CHD9: variants seen among roughly 807,000 people sequenced by gnomAD.
The protein encoded by CHD9 is chromodomain helicase DNA binding protein 9.
CHD9 carries 77 observed loss-of-function variants against 316.1 expected under a neutral mutation model. The observed-to-expected ratio is 0.24, with a 90% confidence interval of 0.20 to 0.29. The LOEUF (loss-of-function observed/expected upper bound fraction) is 0.29, where lower values mean the gene tolerates loss of function less well. CHD9 is among the 10% of genes least tolerant of loss of function. CHD9 has a pLI of 1.00. For missense variants in CHD9, 2,763 were observed against 3,438.1 expected, an observed-to-expected ratio of 0.80 and a Z score of 4.91; for synonymous variants, 1,129 against 1,158.3, an observed-to-expected ratio of 0.97 and a Z score of 0.51.
At position 53,303,786 on chromosome 16, in the gene CHD9, G is replaced by T. The variant is rs1462193939; in HGVS notation, c.5780G>T (p.Arg1927Leu). ...GAACGTGCTTCTAGGACTTTGTATC[G>T]CATTGAACTTCTAAGGAAAGTACGG... ...TEERASRTLY[R>L]IELLRKVREQ... The change falls in exon 31 of 39, where the codon CGC becomes CTC. Residue 1927 changes from arginine (R) to leucine (L), a missense_variant. This residue lies in a region of CHD9 where 663 missense variants were observed against 751.2 expected (regional missense o/e 0.88). Coordinates refer to ENST00000447540, the MANE Select transcript of CHD9 (RefSeq NM_001308319.2). The T allele has an allele frequency of 1.9e-6, 3 of 1,613,830 alleles. No individual in the cohort carries two copies. Among genetic ancestry groups the T allele is most frequent in the South Asian group, 1.1e-5 (1 of 91,078 alleles).
intron 1 of CHD9, among the ~76,000 whole-genome samples, chr16:53,098,571 C>T (rs1300355800): frequency 6.6e-6 from 1 of 152,044 alleles, no homozygotes; most frequent in Non-Finnish European, 1.5e-5. Flanking sequence ...CCTGGAGACC[C>T]GAAACAATGT....
chr16:53,075,039 G>A (rs959619013), intron 1 of CHD9, among the ~76,000 whole-genome samples: 2 of 152,230 alleles, frequency 1.3e-5, no homozygotes, highest in Admixed American at 6.5e-5. Flanking sequence ...GAGGGGCAGA[G>A]CTGCCCAAGG....
At chr16:53,063,358 T>TCACA (rs67988137) in intron 1 of CHD9, among the ~76,000 whole-genome samples, 12,757 of 136,910 alleles carry the variant, frequency 0.093, 581 homozygotes, top group East Asian at 0.11. Context: ...CTCATAAATT[T>TCACA]CACACACACA....
rs1477710341 is a variant in CHD9 at position 53,255,711 on chromosome 16, C to G, written c.4141C>G (p.Gln1381Glu). The change falls in exon 19 of 39, where the codon CAG becomes GAG. Residue 1381 changes from glutamine to glutamate, a missense_variant. Around this residue, in one of 15 missense-constraint regions of CHD9, gnomAD observed 199 missense variants for 251.7 expected, o/e 0.79. Coordinates refer to ENST00000447540, the MANE Select transcript of CHD9 (RefSeq NM_001308319.2). ...TAAATTCTGCGAAGAGGATATCGAT[C>G]AGATTTTACTACGTCGTACAAAAAC... ...GSKFCEEDID[Q>E]ILLRRTKTIT... 1 of 1,613,866 alleles carries G rather than the reference C, an allele frequency of 6.2e-7. No homozygotes were observed. The highest frequency in any genetic ancestry group is 1.1e-5 in the South Asian group (1 of 91,076).
intron 24 of CHD9, among the ~76,000 whole-genome samples, chr16:53,275,025 ATTTG>A (rs894048065): frequency 3.3e-5 from 5 of 151,784 alleles, no homozygotes; most frequent in African/African-American, 9.7e-5. Flanking sequence ...TTTTTTATTT[ATTTG>A]TTTGTTTATT....
intron 29 of CHD9, among the ~76,000 whole-genome samples, chr16:53,296,459 G>A (rs375676224): frequency 6.5e-5 from 1 of 15,440 alleles, no homozygotes; most frequent in African/African-American, 3.0e-4. Context: ...TTTTTTTTTT[G>A]AGACAGAGTC....
At position 53,308,744 on chromosome 16, in the gene CHD9, A is replaced by G. The variant is rs2056209735; in HGVS notation, c.7112A>G (p.Asp2371Gly). Residue 2371 changes from aspartate to glycine, a missense_variant, in exon 34 of 39, where the codon GAT becomes GGT. Around this residue, in one of 15 missense-constraint regions of CHD9, gnomAD observed 663 missense variants for 751.2 expected, o/e 0.88. Transcript: ENST00000447540. ...GGGCTTGCTCAGAAAAGACCATTTG[A>G]TGGTGAAGACGGTGCTCTGGGGCAG... ...KQGLAQKRPF[D>G]GEDGALGQQQ... is the part of the protein sequence containing the mutation. The G allele has an allele frequency of 1.2e-6, 2 of 1,613,474 alleles. No individual in the cohort carries two copies. Among genetic ancestry groups the G allele is most frequent in the Non-Finnish European group, 8.5e-7 (1 of 1,179,604 alleles).
At chr16:53,121,174 T>G (rs2038715277) in intron 1 of CHD9, 1 of 339,410 alleles carries the variant, frequency 2.9e-6, no homozygotes, top group Non-Finnish European at 5.8e-6. Flanking sequence ...TTGTTCATTG[T>G]TGTATTCCCA....
chr16:53,308,108 T>C (rs535199994), intron 33 of CHD9, among the ~76,000 whole-genome samples, 155 bp downstream of exon 33: 1 of 152,382 alleles, frequency 6.6e-6, no homozygotes, highest in Non-Finnish European at 1.5e-5. Flanking sequence ...GTTATTAAAC[T>C]TGAATATTCT....
intron 38 of CHD9, among the ~76,000 whole-genome samples, chr16:53,323,293 A>C (rs1022735109): frequency 5.3e-5 from 8 of 152,222 alleles, no homozygotes; most frequent in African/African-American, 1.7e-4. Flanking sequence ...TGTTTTACCT[A>C]TTTTAAATGT....
chr16:53,084,817 G>A (rs2035326689), intron 1 of CHD9, among the ~76,000 whole-genome samples: 1 of 152,118 alleles, frequency 6.6e-6, no homozygotes, highest in African/African-American at 2.4e-5. Flanking sequence ...AACATCAGGC[G>A]GTCTTACCCT....
chr16:53,250,366 A>G (rs373749673), intron 17 of CHD9: 10 of 260,110 alleles, frequency 3.8e-5, no homozygotes, highest in East Asian at 1.2e-4. Context: ...AGGTCTCACT[A>G]TGTTGCCCAG....
At chr16:53,184,026 G>C (rs559438961) in intron 2 of CHD9, among the ~76,000 whole-genome samples, 257 of 151,382 alleles carry the variant, frequency 1.7e-3, no homozygotes, top group African/African-American at 5.6e-3. Flanking sequence ...CTCACTGCAA[G>C]CTCCTCCTCT....
At chr16:53,283,819 G>T (rs2053623200) in intron 24 of CHD9, among the ~76,000 whole-genome samples, 1 of 152,222 alleles carries the variant, frequency 6.6e-6, no homozygotes, top group South Asian at 2.1e-4. Flanking sequence ...ATAATAAGGT[G>T]TTCATTTCGA....
chr16:53,062,950 G>T (rs963752053), intron 1 of CHD9, among the ~76,000 whole-genome samples: 5 of 152,120 alleles, frequency 3.3e-5, no homozygotes, highest in African/African-American at 1.2e-4. Context: ...GACCCGGGAG[G>T]CAGAGGTTGT....
At chr16:53,111,343 G>C (rs1418034354) in intron 1 of CHD9, among the ~76,000 whole-genome samples, 1 of 152,030 alleles carries the variant, frequency 6.6e-6, no homozygotes, top group Non-Finnish European at 1.5e-5. Context: ...TTTCTCTTTG[G>C]GGTTTCCACT....
intron 12 of CHD9, among the ~76,000 whole-genome samples, chr16:53,238,949 G>A (rs757128143): frequency 1.3e-5 from 2 of 151,768 alleles, no homozygotes; most frequent in Non-Finnish European, 2.9e-5. Context: ...CTTTTTTCCC[G>A]TCATTTAAAA....
At chr16:53,258,013 C>A (rs1364059045) in intron 19 of CHD9, among the ~76,000 whole-genome samples, 1 of 151,984 alleles carries the variant, frequency 6.6e-6, no homozygotes, top group East Asian at 1.9e-4. Flanking sequence ...AGATACTGTC[C>A]TTAAAGTTGT....
rs575170634 is a variant in CHD9 at position 53,153,696 on chromosome 16, T to A, written c.-164-2230T>A. On this transcript the variant is annotated intron_variant, in intron 1 of 38. Coordinates refer to ENST00000447540, the MANE Select transcript of CHD9 (RefSeq NM_001308319.2). ...GGAATGCACTATGCCTGGCTAATTT[T>A]TTTTTTATTTTTTATTTTTAGTAGA... Among the ~76,000 whole-genome samples the A allele has an allele frequency of 1.7e-4, 26 of 152,198 alleles. No homozygotes were observed. The South Asian group carries it at 3.1e-3, about 18-fold the overall frequency.
Sources: gnomAD v4.1 joint callset for allele counts (sites outside exome capture counted in the v4.1 genomes callset) on GRCh38, gnomAD v4.1.1 for gene constraint, gnomAD v4.1.1 regional missense constraint, MANE v1.5 for transcripts, NCBI Gene and HGNC (gene_info 2026-07-23, HGNC 2026-07-21) for gene names.